The following POLQ variants were observed in gnomAD, a reference collection of about 807,000 sequenced individuals.
POLQ encodes the protein DNA polymerase theta, also known as epididymis secretory sperm binding protein.
POLQ carries 233 observed loss-of-function variants against 259.2 expected under a neutral mutation model. That is an observed-to-expected ratio of 0.90 (90% CI 0.81 to 1.00). POLQ has a LOEUF of 1.00. Among genes scored for constraint, POLQ ranks in the 50% least tolerant of loss-of-function variants. The pLI is 0.00. For synonymous variants in POLQ, 1,025 were observed against 1,048.8 expected (o/e 0.98, Z 0.44); for missense variants, 2,871 against 3,051.6 (o/e 0.94, Z 1.39).
chr3:121,443,049 G>A (rs772656799), intron 26 of POLQ, among the ~76,000 whole-genome samples: 7 of 152,070 alleles, frequency 4.6e-5, no homozygotes, highest in Non-Finnish European at 8.8e-5. Context: ...GTAGAGATGG[G>A]GTTTCACCAT....
chr3:121,498,851 T>C (rs977019570), intron 12 of POLQ, among the ~76,000 whole-genome samples, 181 bp from the exon 13 acceptor site: 1 of 152,166 alleles, frequency 6.6e-6, no homozygotes, highest in African/African-American at 2.4e-5. Context: ...CAGTGAGCTA[T>C]GACTGTGCCA....
chr3:121,438,826 AT>A (rs2047565038), intron 27 of POLQ, among the ~76,000 whole-genome samples: 1 of 152,238 alleles, frequency 6.6e-6, no homozygotes, highest in Admixed American at 6.5e-5. Flanking sequence ...TAAAAGCCTG[AT>A]AAATATCTGA....
chr3:121,453,541 T>G (rs1223825487), intron 25 of POLQ, among the ~76,000 whole-genome samples: 4 of 151,820 alleles, frequency 2.6e-5, no homozygotes, highest in African/African-American at 7.3e-5. Context: ...AGAGAAGAGC[T>G]TAAAGGAGCT....
chr3:121,471,899 C>T, intron 22 of POLQ, 91 bp downstream of exon 22: 2 of 659,408 alleles, frequency 3.0e-6, no homozygotes, highest in African/African-American at 1.8e-5. Context: ...TTGATCAACA[C>T]TTGAATTCTT....
At position 121,457,480 on chromosome 3, in the gene POLQ, A is replaced by T. The variant is rs564374379; in HGVS notation, c.7152+2570T>A. On this transcript the variant is annotated intron_variant, in intron 25 of 29. Coordinates refer to ENST00000264233, the MANE Select transcript of POLQ (RefSeq NM_199420.4). ...GAATGGGAGAAAATTTTCGCAACCTACTCATCTGACAAAGGGCTAATATCC... is the reference window on the plus strand; with the variant it reads ...GAATGGGAGAAAATTTTCGCAACCTTCTCATCTGACAAAGGGCTAATATCC... Among the ~76,000 whole-genome samples, 533 of 152,278 alleles carry T rather than the reference A, an allele frequency of 3.5e-3. 4 individuals are homozygous for T. Among genetic ancestry groups the T allele is most frequent in the African/African-American group, 0.012 (502 of 41,548 alleles).
chr3:121,461,947 G>A (rs2047795592), intron 24 of POLQ, among the ~76,000 whole-genome samples: 1 of 152,034 alleles, frequency 6.6e-6, no homozygotes, highest in South Asian at 2.1e-4. Flanking sequence ...CAAAAACAGA[G>A]ATAAATACTA....
chr3:121,486,198 T>C (rs1227718385), intron 16 of POLQ, among the ~76,000 whole-genome samples: 1 of 152,218 alleles, frequency 6.6e-6, no homozygotes, highest in African/African-American at 2.4e-5. Flanking sequence ...ACAAAGTTCC[T>C]ATTAGCAATG....
chr3:121,545,967 C>A lies in POLQ; in HGVS notation c.-90G>T. On this transcript the variant is annotated 5_prime_UTR_variant, in exon 1 of 30. Transcript: ENST00000264233. Reference sequence around the variant, plus strand: ...CTGGCCTGGCAACAGCTGCGGACATCTTCCCGCCAGTCTTCAAACTCAAAC... The same window carrying A: ...CTGGCCTGGCAACAGCTGCGGACATATTCCCGCCAGTCTTCAAACTCAAAC... 1 of 1,457,970 alleles carries A rather than the reference C, an allele frequency of 6.9e-7. No individual in the cohort carries two copies. Among genetic ancestry groups the A allele is most frequent in the Non-Finnish European group, 9.4e-7 (1 of 1,068,366 alleles). 90.3% of individuals were successfully genotyped at this position (1,457,970 alleles called of 1,614,324 possible). A position where few individuals can be genotyped will look rare whatever the true frequency, so the allele number is the denominator to read the frequency against.
chr3:121,476,481 C>G, intron 20 of POLQ, 59 bp downstream of exon 20: 1 of 1,242,270 alleles, frequency 8.0e-7, no homozygotes, highest in South Asian at 1.4e-5. Flanking sequence ...CACACACACA[C>G]ACACAATCAT....
At position 121,489,420 on chromosome 3, in the gene POLQ, C is replaced by A. The variant is rs774050665; in HGVS notation, c.3511G>T (p.Val1171Leu). Residue 1171 changes from valine (V) to leucine (L), a missense_variant, in exon 16 of 30, where the codon GTG becomes TTG. Val to Leu is a conservative substitution (Grantham distance 32). Around this residue, in one of 3 missense-constraint regions of POLQ, gnomAD observed 2,080 missense variants for 2,126.0 expected, o/e 0.98. Coordinates refer to ENST00000264233, the MANE Select transcript of POLQ (RefSeq NM_199420.4). ...TTTTTTGAACCATTTTGTATCAGCACTTCATTTATTTTTTCTGCCTCAACA... is the reference window on the plus strand; with the variant it reads ...TTTTTTGAACCATTTTGTATCAGCAATTCATTTATTTTTTCTGCCTCAACA... The part of the protein sequence containing the change: ...VAVEAEKINE[V>L]LIQNGSKNQN... 140 of 1,613,854 alleles carry A rather than the reference C, an allele frequency of 8.7e-5. No individual in the cohort carries two copies. Among genetic ancestry groups the A allele is most frequent in the Non-Finnish European group, 1.2e-4 (139 of 1,179,984 alleles).
chr3:121,539,480 T>C lies in POLQ; in HGVS notation c.584A>G (p.Asn195Ser). Residue 195 changes from asparagine (N) to serine (S), a missense_variant, in exon 4 of 30, where the codon AAT becomes AGT. Asn to Ser is a conservative substitution (Grantham distance 46). This residue lies in a region of POLQ where 783 missense variants were observed against 906.2 expected (regional missense o/e 0.86). Coordinates refer to ENST00000264233, the MANE Select transcript of POLQ (RefSeq NM_199420.4). ...CTCTATGAGGCGATTGATCAGACCATTGGCTCTCTCAATTGTGCAGACTGC... is the reference window on the plus strand; with the variant it reads ...CTCTATGAGGCGATTGATCAGACCACTGGCTCTCTCAATTGTGCAGACTGC... ...DIAVCTIERA[N>S]GLINRLIEEN... 3.7e-6 allele frequency: 6 copies of C among 1,613,576 alleles called. No individual in the cohort carries two copies. The highest frequency in any genetic ancestry group is 5.1e-6 in the Non-Finnish European group (6 of 1,179,584).
chr3:121,462,265 A>G (rs1380618912), intron 24 of POLQ, among the ~76,000 whole-genome samples: 3 of 150,294 alleles, frequency 2.0e-5, no homozygotes, highest in Admixed American at 6.7e-5. Context: ...ATTATATGGG[A>G]AAAAAAAAAT....
At chr3:121,479,062 T>C (rs2047950335) in intron 19 of POLQ, among the ~76,000 whole-genome samples, 1 of 152,162 alleles carries the variant, frequency 6.6e-6, no homozygotes, top group Non-Finnish European at 1.5e-5. Context: ...GAATTAGTAT[T>C]ATACAACCAT....
At chr3:121,496,722 T>A in intron 14 of POLQ, 86 bp downstream of exon 14, 1 of 1,374,614 alleles carries the variant, frequency 7.3e-7, no homozygotes, top group Non-Finnish European at 1.0e-6. Context: ...AAGCCTACAA[T>A]AAAATGGAAT....
intron 18 of POLQ, 129 bp from the exon 19 acceptor site, chr3:121,481,941 G>A: frequency 2.5e-6 from 2 of 812,452 alleles, no homozygotes; most frequent in Non-Finnish European, 1.9e-6. Context: ...TTTATTCAGT[G>A]GTCTTCCCAG....
chr3:121,539,040 G>GGA (rs2048470179), intron 4 of POLQ, among the ~76,000 whole-genome samples: 1 of 152,036 alleles, frequency 6.6e-6, no homozygotes, highest in South Asian at 2.1e-4. Flanking sequence ...ACAGACTCTG[G>GGA]GTCCAAGCCC....
At chr3:121,452,350 G>A (rs988328408) in intron 25 of POLQ, among the ~76,000 whole-genome samples, 7 of 152,152 alleles carry the variant, frequency 4.6e-5, no homozygotes, top group South Asian at 2.1e-4. Flanking sequence ...GAAATCACCT[G>A]TCTTCTGCAT....
chr3:121,484,348 C>T (rs902066229), intron 17 of POLQ, among the ~76,000 whole-genome samples: 1 of 152,122 alleles, frequency 6.6e-6, no homozygotes, highest in Non-Finnish European at 1.5e-5. Context: ...AGATCTCTAG[C>T]TCAACATTCC....
chr3:121,517,920 T>C (rs1312893683), intron 9 of POLQ, among the ~76,000 whole-genome samples: 1 of 152,234 alleles, frequency 6.6e-6, no homozygotes, highest in Non-Finnish European at 1.5e-5. Flanking sequence ...CTTATTGTAT[T>C]GGTTTTTGTT....
Sources: allele counts gnomAD v4.1 joint callset (sites outside exome capture counted in the v4.1 genomes callset), GRCh38; gene constraint gnomAD v4.1.1; regional missense constraint gnomAD v4.1.1; transcripts MANE v1.5; gene names NCBI Gene and HGNC (gene_info 2026-07-23, HGNC 2026-07-21).